The following DSCAML1 variants were observed in gnomAD, a reference collection of about 807,000 sequenced individuals.
DSCAML1 encodes the protein cell adhesion molecule DSCAML1.
In DSCAML1, 38 loss-of-function variants were observed where a neutral mutation model predicts 200.5. That is an observed-to-expected ratio of 0.19 (90% CI 0.15 to 0.25). The LOEUF is 0.25. Ranked by LOEUF, DSCAML1 falls within the 10% of genes least tolerant of loss-of-function variation. The probability of loss-of-function intolerance (pLI) is 1.00; values close to 1 mark genes in which losing one functional copy is unlikely to be tolerated. For missense variants in DSCAML1, 2,223 were observed against 2,858.8 expected, an observed-to-expected ratio of 0.78 and a Z score of 5.07; for synonymous variants, 1,215 against 1,165.0, an observed-to-expected ratio of 1.04 and a Z score of -0.87.
chr11:117,801,556 G>T (rs186311884), upstream of DSCAML1: 353 of 152,304 alleles, frequency 2.3e-3, 1 homozygote, highest in African/African-American at 7.9e-3. Flanking sequence ...AGATGAATCA[G>T]TACAATTCAT....
At chr11:117,581,291 T>C (rs1345843118) in intron 3 of DSCAML1, among the ~76,000 whole-genome samples, 1 of 152,230 alleles carries the variant, frequency 6.6e-6, no homozygotes, top group Non-Finnish European at 1.5e-5. Context: ...GAATGTATTA[T>C]GTCTTTTTTA....
At chr11:117,702,070 G>A (rs1388161273) in intron 3 of DSCAML1, among the ~76,000 whole-genome samples, 1 of 152,132 alleles carries the variant, frequency 6.6e-6, no homozygotes. Context: ...CCTCAGTCAG[G>A]CCCTGGCCAC....
intron 3 of DSCAML1, among the ~76,000 whole-genome samples, chr11:117,556,767 G>A (rs1446382876): frequency 6.6e-6 from 1 of 152,236 alleles, no homozygotes; most frequent in Non-Finnish European, 1.5e-5. Flanking sequence ...AAGGCCCAGA[G>A]AAGTCAGCTT....
At chr11:117,670,329 C>A (rs1391539032) in intron 3 of DSCAML1, among the ~76,000 whole-genome samples, 1 of 152,048 alleles carries the variant, frequency 6.6e-6, no homozygotes, top group Admixed American at 6.6e-5. Flanking sequence ...AAGCTCCCTG[C>A]CAAATGAGTT....
intron 3 of DSCAML1, among the ~76,000 whole-genome samples, chr11:117,720,637 G>A (rs963992817): frequency 3.9e-5 from 6 of 152,336 alleles, no homozygotes; most frequent in Admixed American, 3.9e-4. Context: ...GTACTGGGAC[G>A]GTGTCTAAGT....
At chr11:117,520,906 A>C (rs2049874103) in intron 6 of DSCAML1, among the ~76,000 whole-genome samples, 2 of 152,142 alleles carry the variant, frequency 1.3e-5, no homozygotes, top group Non-Finnish European at 2.9e-5. Flanking sequence ...CTCCAGCCTG[A>C]GAGACAGAGT....
At chr11:117,640,477 G>A (rs1029605450) in intron 3 of DSCAML1, among the ~76,000 whole-genome samples, 1 of 152,202 alleles carries the variant, frequency 6.6e-6, no homozygotes, top group African/African-American at 2.4e-5. Flanking sequence ...AAGTGTCATA[G>A]TCAGGACTGA....
intron 4 of DSCAML1, among the ~76,000 whole-genome samples, chr11:117,531,996 A>T (rs2050088606): frequency 6.6e-6 from 1 of 151,400 alleles, no homozygotes; most frequent in Non-Finnish European, 1.5e-5. Flanking sequence ...AGGAAAAGAA[A>T]AGAAAGAAAG....
At chr11:117,549,576 T>C (rs1721619790) in intron 3 of DSCAML1, among the ~76,000 whole-genome samples, 1 of 152,156 alleles carries the variant, frequency 6.6e-6, no homozygotes, top group Admixed American at 6.5e-5. Flanking sequence ...GTTGTAGTGG[T>C]CACGTGAATT....
chr11:117,713,223 C>T (rs1004408524), intron 3 of DSCAML1, among the ~76,000 whole-genome samples: 5 of 152,198 alleles, frequency 3.3e-5, no homozygotes, highest in African/African-American at 1.2e-4. Context: ...TCAAGCAATT[C>T]TCCTGCCTCA....
intron 4 of DSCAML1, among the ~76,000 whole-genome samples, chr11:117,531,973 A>T (rs988401988): frequency 6.6e-6 from 1 of 151,028 alleles, no homozygotes; most frequent in Non-Finnish European, 1.5e-5. Context: ...GGAGGGACGA[A>T]ATAAAGAAAG....
chr11:117,520,203 G>T (rs949193199), intron 6 of DSCAML1, among the ~76,000 whole-genome samples: 3 of 152,238 alleles, frequency 2.0e-5, no homozygotes, highest in Non-Finnish European at 4.4e-5. Flanking sequence ...GGCAAATGAG[G>T]TGCAGGCTGG....
chr11:117,433,399 G>A (rs751075167), intron 28 of DSCAML1, 42 bp downstream of exon 28: 6 of 1,611,530 alleles, frequency 3.7e-6, no homozygotes, highest in Non-Finnish European at 5.1e-6. Flanking sequence ...TCAGGACAGA[G>A]GGGAGAAGGG....
Position 117,516,366 on chromosome 11 carries a change from A to G in DSCAML1, c.1783+101T>C, listed in dbSNP as rs1284708029. 46 of 1,447,354 alleles carry G rather than the reference A, an allele frequency of 3.2e-5. No individual in the cohort carries two copies. The highest frequency in any genetic ancestry group is 2.4e-5 in the Non-Finnish European group (26 of 1,071,766). The allele number at this position is 1,447,354 out of a possible 1,614,324, so 89.7% of individuals were successfully genotyped here. ...GCCTCTCTTGCTCAGCCTTCCGTTC[A>G]CCCAGGATTGCCTATTGTTGTCTGA... On this transcript the variant is annotated intron_variant, in intron 8 of 32. Coordinates refer to ENST00000651296, the MANE Select transcript of DSCAML1 (RefSeq NM_020693.4). The surrounding 1 kb of genome is among the most constrained non-coding windows in gnomAD (Gnocchi z 5.7).
At chr11:117,649,211 A>G (rs1591361434) in intron 3 of DSCAML1, among the ~76,000 whole-genome samples, 1 of 151,916 alleles carries the variant, frequency 6.6e-6, no homozygotes, top group South Asian at 2.1e-4. Context: ...CCCAGCAGCT[A>G]GGATTACAGG....
At chr11:117,461,917 C>T (rs749593508) in intron 17 of DSCAML1, among the ~76,000 whole-genome samples, 11 of 152,178 alleles carry the variant, frequency 7.2e-5, no homozygotes, top group Non-Finnish European at 1.0e-4. Context: ...TAGGAATTCC[C>T]CAACAGGCCA....
At chr11:117,814,995 A>G (rs2055792578) in intron 1 of DSCAML1, among the ~76,000 whole-genome samples, 1 of 152,226 alleles carries the variant, frequency 6.6e-6, no homozygotes, top group African/African-American at 2.4e-5. Context: ...TAGGCCATTC[A>G]GGAAACAAAG....
chr11:117,532,219 T>G (rs1008337334), intron 4 of DSCAML1, among the ~76,000 whole-genome samples, 157 bp downstream of exon 4: 2 of 152,024 alleles, frequency 1.3e-5, no homozygotes, highest in African/African-American at 4.8e-5. Flanking sequence ...AGGTCTTCCT[T>G]GGTGGTTTCA....
At chr11:117,580,496 C>G (rs111624150) in intron 3 of DSCAML1, among the ~76,000 whole-genome samples, 1 of 152,212 alleles carries the variant, frequency 6.6e-6, no homozygotes, top group African/African-American at 2.4e-5. Context: ...CACATAGGTA[C>G]TTTCAGGAAT....
Sources: allele counts gnomAD v4.1 joint callset (sites outside exome capture counted in the v4.1 genomes callset), GRCh38; gene constraint gnomAD v4.1.1; non-coding constraint Gnocchi (gnomAD v3.1); transcripts MANE v1.5; gene names NCBI Gene and HGNC (gene_info 2026-07-23, HGNC 2026-07-21).